SLC9A3: variants seen among roughly 807,000 people sequenced by gnomAD.
SLC9A3 encodes sodium/hydrogen exchanger 3.
Under a neutral mutation model 86.8 loss-of-function variants are expected in SLC9A3, and 37 were observed. The observed-to-expected ratio is 0.43, with a 90% confidence interval of 0.33 to 0.56. SLC9A3 has a LOEUF of 0.56. Ranked by LOEUF, SLC9A3 falls within the 20% of genes least tolerant of loss-of-function variation. The pLI is 0.06. For synonymous variants in SLC9A3, 581 were observed against 528.3 expected (o/e 1.10, Z -1.37); for missense variants, 1,011 against 1,171.9 (o/e 0.86, Z 2.00).
intron 2 of SLC9A3, among the ~76,000 whole-genome samples, chr5:490,293 C>T (rs976280278): frequency 1.6e-4 from 12 of 75,872 alleles, no homozygotes; most frequent in African/African-American, 6.2e-4. Flanking sequence ...TGTTGGAGGA[C>T]GGTAGAGTCC....
chr5:511,978 T>G (rs1275519789), intron 1 of SLC9A3, among the ~76,000 whole-genome samples: 1 of 152,086 alleles, frequency 6.6e-6, no homozygotes, highest in Non-Finnish European at 1.5e-5. Flanking sequence ...GAAACACAGA[T>G]GCAATGACTA....
In SLC9A3 at chr5:497,318, C is replaced by T. The variant is rs189313785; in HGVS notation, c.212-5247G>A. ...CCGAATTCCCTCCAGGTGCAGGAGT[C>T]GACGCCCCCCACTGCCCTCGAAACC... On this transcript the variant is annotated intron_variant, in intron 1 of 16. Coordinates refer to ENST00000264938, the MANE Select transcript of SLC9A3 (RefSeq NM_004174.4). This position sits in a 1 kb window ranked among gnomAD's most constrained non-coding sequence, Gnocchi z 5.4. Among the ~76,000 whole-genome samples, 28 of 152,274 alleles carry T rather than the reference C, an allele frequency of 1.8e-4. No homozygotes were observed. Among genetic ancestry groups the T allele is most frequent in the African/African-American group, 6.5e-4 (27 of 41,556 alleles).
chr5:496,665 TGA>T lies in SLC9A3; in HGVS notation c.212-4596_212-4595del, dbSNP rs756825010. Among the ~76,000 whole-genome samples the T allele has an allele frequency of 2.6e-5, 4 of 152,250 alleles. No individual in the cohort carries two copies. The highest frequency in any genetic ancestry group is 4.4e-5 in the Non-Finnish European group (3 of 68,038). ...TATTGGTCTTTTGTTTTATGGCTTC[TGA>T]GTTTTGTGTTATACTTAACAAAGCC... On this transcript the variant is annotated intron_variant, in intron 1 of 16. Transcript: ENST00000264938. This position sits in a 1 kb window ranked among gnomAD's most constrained non-coding sequence, Gnocchi z 4.7.
chr5:492,662 G>A (rs534627126), intron 1 of SLC9A3, among the ~76,000 whole-genome samples: 2 of 151,732 alleles, frequency 1.3e-5, no homozygotes, highest in East Asian at 1.9e-4. Context: ...CGGTGGTCGG[G>A]GGGGGGCCTC....
At position 476,216 on chromosome 5, in the gene SLC9A3, G is replaced by A. The variant is rs918402333; in HGVS notation, c.2053C>T (p.Arg685Cys). Residue 685 changes from arginine to cysteine, a missense_variant, in exon 13 of 17, where the codon CGT becomes TGT. This residue lies in a region of SLC9A3 where 397 missense variants were observed against 346.3 expected (regional missense o/e 1.15). Transcript: ENST00000264938. ...KKAAKLYKRE[R>C]AQKRRNSSIP... is the part of the protein sequence containing the mutation. ...CCCAGCCTTACCCGCTTCTGGGCAC[G>A]CTCCCGCTTGTACAGCTTGGCCGCC... 6.2e-7 allele frequency: 1 copy of A among 1,613,714 alleles called. No homozygotes were observed. The highest frequency in any genetic ancestry group is 8.5e-7 in the Non-Finnish European group (1 of 1,179,934).
chr5:484,775 G>T, intron 4 of SLC9A3, 78 bp from the exon 5 acceptor site: 1 of 1,412,222 alleles, frequency 7.1e-7, no homozygotes, highest in Non-Finnish European at 9.9e-7. Flanking sequence ...TGACCCCGCG[G>T]AAGTGCCGGG....
chr5:479,372 CTCATAGTGGACTGG>C (rs1738999294), intron 10 of SLC9A3: 1 of 170,896 alleles, frequency 5.9e-6, no homozygotes, highest in East Asian at 1.8e-4. Flanking sequence ...GAGAGGCCTG[CTCATAGTGGACTGG>C]GAGATGCTGG....
intron 2 of SLC9A3, among the ~76,000 whole-genome samples, chr5:490,620 A>G (rs1739690057): frequency 6.6e-6 from 1 of 152,018 alleles, no homozygotes; most frequent in Non-Finnish European, 1.5e-5. Context: ...GCTGGGAGGA[A>G]GCTGGGATCT....
chr5:493,541 G>A (rs961269991), intron 1 of SLC9A3, among the ~76,000 whole-genome samples: 4 of 152,226 alleles, frequency 2.6e-5, no homozygotes, highest in Non-Finnish European at 4.4e-5. Flanking sequence ...TGGATTTGCC[G>A]TTCCTTCCCC....
chr5:506,475 C>T (rs2126645602), intron 1 of SLC9A3, among the ~76,000 whole-genome samples: 1 of 152,334 alleles, frequency 6.6e-6, no homozygotes, highest in East Asian at 1.9e-4. Flanking sequence ...CCCCATGCTG[C>T]TCCCTGTCCT....
intron 1 of SLC9A3, among the ~76,000 whole-genome samples, chr5:504,297 G>C (rs1431521425): frequency 2.0e-5 from 3 of 152,126 alleles, no homozygotes; most frequent in Non-Finnish European, 4.4e-5. Flanking sequence ...CCCGCGTCCC[G>C]TGACCCACCC....
chr5:482,167 A>G lies in SLC9A3; in HGVS notation c.1357-10T>C, dbSNP rs1239066115. On this transcript the variant is annotated splice_polypyrimidine_tract_variant and intron_variant, in intron 7 of 16. Transcript: ENST00000264938. Reference sequence around the variant, plus strand: ...GCTTGATGGTCAGGCCCTGGAGGACAGGGTCTCGTGACCCTGGTGCCAGGC... The same window carrying G: ...GCTTGATGGTCAGGCCCTGGAGGACGGGGTCTCGTGACCCTGGTGCCAGGC... The G allele has an allele frequency of 6.2e-6, 10 of 1,602,080 alleles. No individual in the cohort carries two copies. The East Asian group carries it at 6.7e-5, about 11-fold the overall frequency.
At position 501,844 on chromosome 5, in the gene SLC9A3, G is replaced by A. The variant is rs7736622; in HGVS notation, c.212-9773C>T. 6.1e-3 allele frequency among the ~76,000 whole-genome samples: 933 copies of A among 152,292 alleles called. 10 individuals are homozygous for A. The highest frequency in any genetic ancestry group is 0.021 in the African/African-American group (876 of 41,566). Reference sequence around the variant, plus strand: ...CAGACGTGCCTGCGTGACCCCACGCGTCCCTGCCTGCGGGTGCAGTTCCCC... The same window carrying A: ...CAGACGTGCCTGCGTGACCCCACGCATCCCTGCCTGCGGGTGCAGTTCCCC... On this transcript the variant is annotated intron_variant, in intron 1 of 16. Coordinates refer to ENST00000264938, the MANE Select transcript of SLC9A3 (RefSeq NM_004174.4).
At chr5:498,321 CCTT>C (rs1387455850) in intron 1 of SLC9A3, among the ~76,000 whole-genome samples, 6 of 152,194 alleles carry the variant, frequency 3.9e-5, no homozygotes, top group Non-Finnish European at 7.3e-5. Flanking sequence ...GGGCGGGACT[CCTT>C]CTGCTTCTTG....
intron 1 of SLC9A3, among the ~76,000 whole-genome samples, chr5:501,565 CG>C (rs1560967382): frequency 6.6e-6 from 1 of 152,050 alleles, no homozygotes; most frequent in Non-Finnish European, 1.5e-5. Context: ...CACAGAGACT[CG>C]CAGAGACGCA....
At chr5:514,359 G>C (rs1733661471) in intron 1 of SLC9A3, among the ~76,000 whole-genome samples, 1 of 152,190 alleles carries the variant, frequency 6.6e-6, no homozygotes, top group Non-Finnish European at 1.5e-5. Flanking sequence ...AGGGGGCTCT[G>C]AGGCCCAGCC....
In SLC9A3 at chr5:472,581, G is replaced by A. The variant is rs908135161; in HGVS notation, c.*798C>T. 1 of 370,004 alleles carries A rather than the reference G, an allele frequency of 2.7e-6. No individual in the cohort carries two copies. Among genetic ancestry groups the A allele is most frequent in the Admixed American group, 3.3e-5 (1 of 30,238 alleles). 22.9% of individuals were successfully genotyped at this position (370,004 alleles called of 1,614,324 possible). On this transcript the variant is annotated 3_prime_UTR_variant, in exon 17 of 17. Transcript: ENST00000264938. ...GGCCGCCACCCTGAGACCGGGCGCG[G>A]GCAGGACGGAACCTGGGGGGGAAAC...
intron 1 of SLC9A3, among the ~76,000 whole-genome samples, chr5:515,157 G>C (rs1012313860): frequency 6.6e-6 from 1 of 151,906 alleles, no homozygotes; most frequent in Middle Eastern, 3.4e-3. Flanking sequence ...GAGATTTCTC[G>C]GTCTCCCACC....
chr5:487,536 G>GCACTGACACCCACCA (rs1187495577), intron 3 of SLC9A3, among the ~76,000 whole-genome samples: 2 of 6,746 alleles, frequency 3.0e-4, no homozygotes, highest in Admixed American at 1.3e-3. Flanking sequence ...GACACCCACC[G>GCACTGACACCCACCA]CACTGACACC....
Sources: gnomAD v4.1 joint callset for allele counts (sites outside exome capture counted in the v4.1 genomes callset) on GRCh38, gnomAD v4.1.1 for gene constraint, gnomAD v4.1.1 regional missense constraint, Gnocchi (gnomAD v3.1) non-coding constraint, MANE v1.5 for transcripts, NCBI Gene and HGNC (gene_info 2026-07-23, HGNC 2026-07-21) for gene names.